DAAM2: variants seen among roughly 807,000 people sequenced by gnomAD.
DAAM2 encodes disheveled-associated activator of morphogenesis 2.
DAAM2 carries 39 observed loss-of-function variants against 120.7 expected under a neutral mutation model. The observed-to-expected ratio is 0.32, with a 90% CI of 0.25 to 0.42. DAAM2 has a LOEUF of 0.42. Ranked by LOEUF, DAAM2 falls within the 10% of genes least tolerant of loss-of-function variation. The pLI is 1.00. For missense variants in DAAM2, 1,283 were observed against 1,401.7 expected (o/e 0.92, Z 1.35); for synonymous variants, 488 against 524.9 (o/e 0.93, Z 0.96).
chr6:39,850,723 C>A (rs1763777629), intron 1 of DAAM2, among the ~76,000 whole-genome samples: 1 of 152,090 alleles, frequency 6.6e-6, no homozygotes, highest in African/African-American at 2.4e-5. Flanking sequence ...TGAGATAATG[C>A]AGAAAATTAT....
rs1340950660 is a variant in DAAM2 at position 39,856,272 on chromosome 6, G to C, written c.-31G>C. 2.8e-6 allele frequency: 4 copies of C among 1,449,482 alleles called. No individual in the cohort carries two copies. The African/African-American group carries it at 4.4e-5, about 16-fold the overall frequency. The allele number at this position is 1,449,482 out of a possible 1,614,324, so 89.8% of individuals were successfully genotyped here. A position where few individuals can be genotyped will look rare whatever the true frequency, so the allele number is the denominator to read the frequency against. The stretch of plus-strand genomic sequence containing the variant: ...ATCACAATGAGGACCTAGGGCATCT[G>C]TCTGCTGACGCCCCCTGGCCTGCAG... On this transcript the variant is annotated 5_prime_UTR_variant, in exon 2 of 25. Transcript: ENST00000274867.
chr6:39,802,188 T>A (rs540981921), intron 1 of DAAM2, among the ~76,000 whole-genome samples: 5 of 152,276 alleles, frequency 3.3e-5, no homozygotes, highest in African/African-American at 7.2e-5. Flanking sequence ...AGAGGTAATG[T>A]TATCGATGTC....
At chr6:39,895,402 AT>A (rs1766015983) in intron 19 of DAAM2, among the ~76,000 whole-genome samples, 1 of 151,708 alleles carries the variant, frequency 6.6e-6, no homozygotes, top group Non-Finnish European at 1.5e-5. Context: ...CGCCTGGCTA[AT>A]TTTTGTATTT....
At chr6:39,798,743 C>T (rs997637187) in intron 1 of DAAM2, among the ~76,000 whole-genome samples, 1 of 152,172 alleles carries the variant, frequency 6.6e-6, no homozygotes, top group Non-Finnish European at 1.5e-5. Context: ...CAGTCCTGGT[C>T]TTCCTGATCT....
At chr6:39,899,201 C>T (rs2149378577) in intron 22 of DAAM2, among the ~76,000 whole-genome samples, 1 of 152,290 alleles carries the variant, frequency 6.6e-6, no homozygotes, top group South Asian at 2.1e-4. Context: ...TGACCCATGC[C>T]TACATTGGAT....
chr6:39,857,863 C>T (rs1481033095), intron 2 of DAAM2, among the ~76,000 whole-genome samples: 1 of 151,968 alleles, frequency 6.6e-6, no homozygotes, highest in Non-Finnish European at 1.5e-5. Flanking sequence ...CACCAGAGAC[C>T]TCCCCTGCCT....
chr6:39,884,248 C>A, intron 15 of DAAM2, 179 bp downstream of exon 15: 1 of 554,474 alleles, frequency 1.8e-6, no homozygotes, highest in Non-Finnish European at 3.2e-6. Flanking sequence ...TGATTTTATT[C>A]TTTATGAGGT....
At chr6:39,863,834 G>GA (rs1390923895) in intron 3 of DAAM2, among the ~76,000 whole-genome samples, 1 of 152,124 alleles carries the variant, frequency 6.6e-6, no homozygotes, top group Non-Finnish European at 1.5e-5. Flanking sequence ...AGTTTGCCAG[G>GA]AATTAAATCA....
Position 39,869,045 on chromosome 6 carries a change from C to T in DAAM2, c.873+112C>T. ...GTTTTTGCTATTAAACCTGGGAGGGCTCCTGGGGAGTTGCCTACATAGGTA... is the reference window on the plus strand; with the variant it reads ...GTTTTTGCTATTAAACCTGGGAGGGTTCCTGGGGAGTTGCCTACATAGGTA... On this transcript the variant is annotated intron_variant, in intron 7 of 24. Coordinates refer to ENST00000274867, the MANE Select transcript of DAAM2 (RefSeq NM_001201427.2). 8 of 815,126 alleles carry T rather than the reference C, an allele frequency of 9.8e-6. No individual in the cohort carries two copies. The South Asian group carries it at 1.1e-4, about 12-fold the overall frequency. The allele number at this position is 815,126 out of a possible 1,614,324, so 50.5% of individuals were successfully genotyped here. A position where few individuals can be genotyped will look rare whatever the true frequency, so the allele number is the denominator to read the frequency against.
At chr6:39,876,314 A>G (rs148785857) in intron 11 of DAAM2, among the ~76,000 whole-genome samples, 11 of 152,348 alleles carry the variant, frequency 7.2e-5, no homozygotes, top group African/African-American at 2.6e-4. Flanking sequence ...ATTATGTTGC[A>G]TTCCAAAGCC....
At chr6:39,793,408 C>A (rs537876511) in intron 1 of DAAM2, among the ~76,000 whole-genome samples, 1 of 152,012 alleles carries the variant, frequency 6.6e-6, no homozygotes, top group Admixed American at 6.6e-5. Flanking sequence ...CAAAATTGAA[C>A]ACAGATTGCT....
chr6:39,885,535 G>A (rs1030655949), intron 15 of DAAM2: 3 of 152,334 alleles, frequency 2.0e-5, no homozygotes, highest in Admixed American at 6.5e-5. Flanking sequence ...GGCCAGTCAG[G>A]AAAGAAGGTT....
chr6:39,815,073 C>T (rs1762269276), intron 1 of DAAM2, among the ~76,000 whole-genome samples: 2 of 152,194 alleles, frequency 1.3e-5, no homozygotes, highest in East Asian at 1.9e-4. Context: ...CACCTGTGAA[C>T]TTCTTAGAAA....
In DAAM2 at chr6:39,891,371, A is replaced by G. The variant is rs1418264727; in HGVS notation, c.2176A>G (p.Ile726Val). 1.9e-6 allele frequency: 3 copies of G among 1,610,944 alleles called. No individual in the cohort carries two copies. Among genetic ancestry groups the G allele is most frequent in the African/African-American group, 2.7e-5 (2 of 75,008 alleles). The part of the protein sequence containing the change: ...LLKFIPEKSD[I>V]DLLEEHKHEI... ...CAAGTTCATCCCAGAGAAGAGTGAC[A>G]TTGACCTCCTGGAGGAGCACAAGCA... is the stretch of plus-strand genomic sequence containing the variant. The change falls in exon 18 of 25, where the codon ATT becomes GTT. Residue 726 changes from isoleucine to valine, a missense_variant. Transcript: ENST00000274867.
intron 1 of DAAM2, among the ~76,000 whole-genome samples, chr6:39,837,409 A>G (rs115286845): frequency 0.01 from 1,596 of 152,202 alleles, 14 homozygotes; most frequent in Admixed American, 0.024. Flanking sequence ...TATCATAAAC[A>G]TAGCTGCTAT....
chr6:39,806,956 T>C (rs1033275681), intron 1 of DAAM2, among the ~76,000 whole-genome samples: 7 of 151,964 alleles, frequency 4.6e-5, no homozygotes, highest in African/African-American at 1.7e-4. Context: ...CAAAGGGCAA[T>C]TTGACACTAT....
At chr6:39,800,073 A>G (rs1761814042) in intron 1 of DAAM2, among the ~76,000 whole-genome samples, 1 of 152,162 alleles carries the variant, frequency 6.6e-6, no homozygotes, top group Non-Finnish European at 1.5e-5. Flanking sequence ...CTAGACTTAC[A>G]CAGCTTTACA....
chr6:39,900,957 A>G (rs574664507), intron 23 of DAAM2, among the ~76,000 whole-genome samples: 1 of 152,270 alleles, frequency 6.6e-6, no homozygotes, highest in East Asian at 1.9e-4. Flanking sequence ...GGTTATTAAC[A>G]TAACTAGAGG....
In DAAM2 at chr6:39,836,373, C is replaced by T. The variant is rs113042894; in HGVS notation, c.-56-19874C>T. ...AGCAAAAATGACATCTACAGTTTATCCACATTTCTGCTATGGCCCTGCACC... is the reference window on the plus strand; with the variant it reads ...AGCAAAAATGACATCTACAGTTTATTCACATTTCTGCTATGGCCCTGCACC... On this transcript the variant is annotated intron_variant, in intron 1 of 24. Transcript: ENST00000274867. 3.6e-3 allele frequency among the ~76,000 whole-genome samples: 549 copies of T among 152,318 alleles called. 3 individuals are homozygous for T. Among genetic ancestry groups the T allele is most frequent in the African/African-American group, 0.012 (497 of 41,564 alleles).
Sources: gnomAD v4.1 joint callset for allele counts (sites outside exome capture counted in the v4.1 genomes callset) on GRCh38, gnomAD v4.1.1 for gene constraint, MANE v1.5 for transcripts, NCBI Gene and HGNC (gene_info 2026-07-23, HGNC 2026-07-21) for gene names.